Variants in GNA14 observed in about 807,000 individuals in gnomAD.
GNA14 encodes G protein subunit alpha 14.
In GNA14, 50 loss-of-function variants were observed where a neutral mutation model predicts 42.0. The observed-to-expected ratio is 1.19, with a 90% CI of 0.95 to 1.51. GNA14 has a LOEUF of 1.51. Among genes scored for constraint, GNA14 ranks in the 40% most tolerant of loss-of-function variants. The pLI, the probability that GNA14 is intolerant of heterozygous loss-of-function variation, is 0.00. For missense variants in GNA14, 473 were observed against 446.2 expected, an observed-to-expected ratio of 1.06 and a Z score of -0.54; for synonymous variants, 173 against 163.1, an observed-to-expected ratio of 1.06 and a Z score of -0.46.
chr9:77,534,383 G>GAAACTGGCTCCT, intron 1 of GNA14, among the ~76,000 whole-genome samples: 1 of 152,328 alleles, frequency 6.6e-6, no homozygotes, highest in South Asian at 2.1e-4. Flanking sequence ...GAGCCAGGAG[G>GAAACTGGCTCCT]AAACAGAGGC....
At chr9:77,529,639 A>C (rs959573860) in intron 1 of GNA14, among the ~76,000 whole-genome samples, 3 of 152,180 alleles carry the variant, frequency 2.0e-5, no homozygotes, top group Non-Finnish European at 4.4e-5. Flanking sequence ...AAGGCTCATG[A>C]ATCAGTCAAC....
chr9:77,437,233 T>C (rs914919030), intron 2 of GNA14, among the ~76,000 whole-genome samples: 1 of 152,156 alleles, frequency 6.6e-6, no homozygotes, highest in African/African-American at 2.4e-5. Flanking sequence ...TGAGCGGAAA[T>C]CACTTGTCTC....
chr9:77,570,937 G>A (rs952460971), intron 1 of GNA14, among the ~76,000 whole-genome samples: 2 of 152,096 alleles, frequency 1.3e-5, no homozygotes, highest in African/African-American at 4.8e-5. Context: ...AGAGTAAATT[G>A]CCCTTTTACA....
chr9:77,624,428 C>A (rs1379618105), intron 1 of GNA14, among the ~76,000 whole-genome samples: 1 of 152,214 alleles, frequency 6.6e-6, no homozygotes, highest in Non-Finnish European at 1.5e-5. Context: ...TGCTAAGAGA[C>A]AGACTGCCTC....
intron 1 of GNA14, among the ~76,000 whole-genome samples, chr9:77,617,043 T>G (rs552978370): frequency 2.0e-5 from 3 of 152,100 alleles, no homozygotes; most frequent in East Asian, 3.9e-4. Context: ...TTAATTTTTT[T>G]GTATTTTTAG....
At chr9:77,647,439 C>A (rs140983812) in intron 1 of GNA14, among the ~76,000 whole-genome samples, 1 of 152,262 alleles carries the variant, frequency 6.6e-6, no homozygotes, top group Non-Finnish European at 1.5e-5. Context: ...AGGTCCCTAT[C>A]CTGTTTTGGG....
chr9:77,620,078 G>A (rs112893186), intron 1 of GNA14, among the ~76,000 whole-genome samples: 60 of 151,352 alleles, frequency 4.0e-4, no homozygotes, highest in Admixed American at 2.5e-3. Flanking sequence ...GGCACATTAC[G>A]TGTGTGTGCA....
rs762105673 is a variant in GNA14, at chr9:77,431,323, A to G, written c.591T>C (p.Phe197=). The part of the protein sequence containing the change: ...EYPFDLENII[F]RMVDVGGQRS... ...GTACATCAGGGAGACAGACTTACCG[A>G]AAGATGATGTTTTCCAAGTCAAATG... Residue 197 remains phenylalanine (F), a splice_region_variant and synonymous_variant, in exon 4 of 7, where the codon TTT becomes TTC. Transcript: ENST00000341700. 1.9e-6 allele frequency: 3 copies of G among 1,613,526 alleles called. No individual in the cohort carries two copies. Among genetic ancestry groups the G allele is most frequent in the East Asian group, 2.2e-5 (1 of 44,856 alleles).
At chr9:77,436,621 C>G (rs1835642330) in intron 2 of GNA14, among the ~76,000 whole-genome samples, 1 of 152,152 alleles carries the variant, frequency 6.6e-6, no homozygotes, top group South Asian at 2.1e-4. Context: ...TCCTCCCCTC[C>G]TCTCGCCACG....
intron 1 of GNA14, among the ~76,000 whole-genome samples, chr9:77,617,280 C>A (rs74420502): frequency 2.6e-5 from 4 of 151,976 alleles, no homozygotes; most frequent in South Asian, 2.1e-4. Flanking sequence ...ACCTCCACCC[C>A]CTCACTCCAC....
intron 2 of GNA14, among the ~76,000 whole-genome samples, chr9:77,468,013 T>C (rs1836266401): frequency 6.6e-6 from 1 of 152,190 alleles, no homozygotes; most frequent in South Asian, 2.1e-4. Context: ...TCAGCCACAC[T>C]TGCCTAAAAT....
intron 2 of GNA14, among the ~76,000 whole-genome samples, chr9:77,454,986 C>T (rs1392028289): frequency 2.0e-5 from 3 of 152,202 alleles, no homozygotes; most frequent in African/African-American, 7.2e-5. Context: ...TTGCCACAAA[C>T]TCAGCAGCTT....
At chr9:77,537,290 C>T (rs2131774064) in intron 1 of GNA14, among the ~76,000 whole-genome samples, 1 of 152,184 alleles carries the variant, frequency 6.6e-6, no homozygotes, top group South Asian at 2.1e-4. Context: ...CTCCACAAGA[C>T]CAAGTGTTTT....
intron 1 of GNA14, among the ~76,000 whole-genome samples, chr9:77,562,293 G>A (rs1374732081): frequency 1.3e-5 from 2 of 152,146 alleles, no homozygotes; most frequent in Non-Finnish European, 2.9e-5. Flanking sequence ...AGAAAGTAGC[G>A]TCTGCAACGT....
chr9:77,531,820 C>T (rs1837532858), intron 1 of GNA14, among the ~76,000 whole-genome samples: 1 of 152,106 alleles, frequency 6.6e-6, no homozygotes, highest in East Asian at 1.9e-4. Context: ...TTAAAAGCCA[C>T]CCATTTTTTA....
At chr9:77,475,938 T>G (rs1836414110) in intron 2 of GNA14, among the ~76,000 whole-genome samples, 1 of 152,138 alleles carries the variant, frequency 6.6e-6, no homozygotes. Context: ...CCCCTAAAAT[T>G]GTCACCTCAG....
chr9:77,577,196 A>T (rs910566703), intron 1 of GNA14, among the ~76,000 whole-genome samples: 1 of 152,204 alleles, frequency 6.6e-6, no homozygotes, highest in Non-Finnish European at 1.5e-5. Context: ...TTACTCAAGA[A>T]TTCATTTTAC....
chr9:77,514,577 A>T (rs933440763), intron 2 of GNA14, among the ~76,000 whole-genome samples: 2 of 151,668 alleles, frequency 1.3e-5, no homozygotes, highest in African/African-American at 4.9e-5. Context: ...TGGAAAAAGA[A>T]GGTGTCAAAG....
intron 2 of GNA14, among the ~76,000 whole-genome samples, chr9:77,455,621 C>T (rs759362612): frequency 4.5e-4 from 69 of 152,156 alleles, no homozygotes; most frequent in Non-Finnish European, 7.2e-4. Flanking sequence ...GTCTACGATA[C>T]CTCATATAGG....
Sources: gnomAD v4.1 joint callset for allele counts (sites outside exome capture counted in the v4.1 genomes callset) on GRCh38, gnomAD v4.1.1 for gene constraint, MANE v1.5 for transcripts, NCBI Gene and HGNC (gene_info 2026-07-23, HGNC 2026-07-21) for gene names.